The following ANO2 variants were observed in gnomAD, a reference collection of about 807,000 sequenced individuals.
ANO2 encodes the protein anoctamin-2.
A neutral mutation model predicts 124.2 loss-of-function variants in ANO2; 101 were observed. The observed-to-expected ratio is 0.81, with a 90% CI of 0.69 to 0.96. ANO2 has a LOEUF of 0.96. Ranked by LOEUF, ANO2 falls within the 40% of genes least tolerant of loss-of-function variation. ANO2 has a pLI of 0.00. For missense variants in ANO2, 1,293 were observed against 1,274.5 expected (o/e 1.01, Z -0.22); for synonymous variants, 486 against 482.5 (o/e 1.01, Z -0.09).
chr12:5,576,050 G>A (rs778018337), intron 22 of ANO2, 35 bp from the exon 23 acceptor site: 2 of 1,552,114 alleles, frequency 1.3e-6, no homozygotes, highest in Non-Finnish European at 1.7e-6. Flanking sequence ...GAGTAGCCAG[G>A]ATTGATGCTA....
intron 16 of ANO2, among the ~76,000 whole-genome samples, chr12:5,615,566 C>T (rs1429567386): frequency 6.6e-6 from 1 of 152,130 alleles, no homozygotes; most frequent in Non-Finnish European, 1.5e-5. Flanking sequence ...AGTGGTTTCA[C>T]ACCGCCCTCC....
intron 10 of ANO2, among the ~76,000 whole-genome samples, chr12:5,793,690 G>A (rs1223897852): frequency 6.6e-6 from 1 of 152,228 alleles, no homozygotes; most frequent in African/African-American, 2.4e-5. Context: ...GATAAGACAG[G>A]AAGGAGGATG....
At chr12:5,735,683 G>A (rs1950831892) in intron 13 of ANO2, among the ~76,000 whole-genome samples, 1 of 152,208 alleles carries the variant, frequency 6.6e-6, no homozygotes, top group Non-Finnish European at 1.5e-5. Context: ...CAAAAGCCGA[G>A]AAGACAGGCC....
intron 16 of ANO2, among the ~76,000 whole-genome samples, chr12:5,619,272 T>C (rs2055058815): frequency 6.6e-6 from 1 of 152,240 alleles, no homozygotes. Flanking sequence ...TTCAACCGCA[T>C]AATGCATTGT....
At chr12:5,844,232 A>G (rs1242104371) in intron 4 of ANO2, among the ~76,000 whole-genome samples, 1 of 152,188 alleles carries the variant, frequency 6.6e-6, no homozygotes, top group Non-Finnish European at 1.5e-5. Context: ...ACGAGAGTCT[A>G]AATCAGGGAG....
intron 7 of ANO2, among the ~76,000 whole-genome samples, chr12:5,818,383 G>T (rs1953675027): frequency 6.8e-6 from 1 of 147,656 alleles, no homozygotes; most frequent in Non-Finnish European, 1.5e-5. Flanking sequence ...CTCAGACTGG[G>T]TTTCCTTGCT....
chr12:5,913,738 A>C (rs1281114951), intron 3 of ANO2, among the ~76,000 whole-genome samples: 2 of 152,218 alleles, frequency 1.3e-5, no homozygotes, highest in Non-Finnish European at 2.9e-5. Context: ...GGTATTCATG[A>C]AGACTAAATG....
chr12:5,583,165 G>A (rs1942850425), intron 20 of ANO2, among the ~76,000 whole-genome samples: 1 of 152,096 alleles, frequency 6.6e-6, no homozygotes, highest in Non-Finnish European at 1.5e-5. Context: ...ACACATACAA[G>A]GTCAAAAATG....
chr12:5,810,659 G>A (rs564421411), intron 7 of ANO2, among the ~76,000 whole-genome samples: 5 of 152,314 alleles, frequency 3.3e-5, no homozygotes, highest in Non-Finnish European at 4.4e-5. Flanking sequence ...TCCCTTAACA[G>A]GAACAACGTC....
chr12:5,777,857 G>T (rs931815675), intron 10 of ANO2, among the ~76,000 whole-genome samples: 1 of 152,252 alleles, frequency 6.6e-6, no homozygotes, highest in African/African-American at 2.4e-5. Context: ...CATTTGGTCT[G>T]CCCAAGGGGA....
intron 1 of ANO2, among the ~76,000 whole-genome samples, chr12:5,934,853 A>T (rs11063927): frequency 0.097 from 14,811 of 152,162 alleles, 1,150 homozygotes; most frequent in African/African-American, 0.21. Context: ...CCAAGATTAA[A>T]GATATCATTC....
At chr12:5,640,055 CTT>C (rs916173445) in intron 15 of ANO2, among the ~76,000 whole-genome samples, 4 of 152,196 alleles carry the variant, frequency 2.6e-5, no homozygotes, top group Admixed American at 6.5e-5. Flanking sequence ...AAAAAGGAAA[CTT>C]TAGCTGAACA....
intron 16 of ANO2, among the ~76,000 whole-genome samples, chr12:5,634,227 C>G (rs113379825): frequency 6.6e-6 from 1 of 152,198 alleles, no homozygotes; most frequent in African/African-American, 2.4e-5. Flanking sequence ...GGTAGTGTTA[C>G]AGTAGAGGCC....
chr12:5,694,283 G>GA (rs200289791), intron 14 of ANO2, among the ~76,000 whole-genome samples: 1 of 151,220 alleles, frequency 6.6e-6, no homozygotes, highest in African/African-American at 2.4e-5. Flanking sequence ...GAGAGAGAGA[G>GA]AATAAAACAG....
At chr12:5,752,582 T>G (rs1044176327) in intron 10 of ANO2, among the ~76,000 whole-genome samples, 1 of 152,202 alleles carries the variant, frequency 6.6e-6, no homozygotes, top group African/African-American at 2.4e-5. Context: ...GTTTCTTTGT[T>G]TTGCCACTGA....
intron 15 of ANO2, among the ~76,000 whole-genome samples, chr12:5,646,242 C>T (rs1049076927): frequency 6.6e-6 from 1 of 152,134 alleles, no homozygotes; most frequent in Admixed American, 6.5e-5. Context: ...AGCTCTAGTG[C>T]CCAGGTATTT....
chr12:5,913,028 A>G (rs909473557), intron 3 of ANO2, among the ~76,000 whole-genome samples: 2 of 152,122 alleles, frequency 1.3e-5, no homozygotes, highest in South Asian at 2.1e-4. Flanking sequence ...AATGGAGTCA[A>G]TGGGGGCCTG....
At chr12:5,777,857 G>C (rs931815675) in intron 10 of ANO2, among the ~76,000 whole-genome samples, 3 of 152,134 alleles carry the variant, frequency 2.0e-5, no homozygotes, top group African/African-American at 7.2e-5. Flanking sequence ...CATTTGGTCT[G>C]CCCAAGGGGA....
intron 10 of ANO2, among the ~76,000 whole-genome samples, chr12:5,784,567 T>G (rs56704902): frequency 0.048 from 7,339 of 152,308 alleles, 563 homozygotes; most frequent in African/African-American, 0.16. Flanking sequence ...CAGAGCATCC[T>G]GAGCTCAGGC....
Sources: allele counts gnomAD v4.1 joint callset (sites outside exome capture counted in the v4.1 genomes callset), GRCh38; gene constraint gnomAD v4.1.1; transcripts MANE v1.5; gene names NCBI Gene and HGNC (gene_info 2026-07-23, HGNC 2026-07-21).